The following MOXD1 variants were observed in gnomAD, a reference collection of about 807,000 sequenced individuals.
The protein encoded by MOXD1 is DBH-like monooxygenase protein 1.
In MOXD1, 62 loss-of-function variants were observed where a neutral mutation model predicts 66.6. The ratio of observed to expected loss-of-function variants is 0.93; its 90% CI spans 0.76 to 1.15. The LOEUF (loss-of-function observed/expected upper bound fraction) is 1.15, where lower values mean the gene tolerates loss of function less well. Ranked by LOEUF, MOXD1 falls within the 50% of genes most tolerant of loss-of-function variation. The probability of loss-of-function intolerance (pLI) is 0.00; values close to 1 mark genes in which losing one functional copy is unlikely to be tolerated. For synonymous variants in MOXD1, 303 were observed against 281.9 expected, an observed-to-expected ratio of 1.07 and a Z score of -0.75; for missense variants, 847 against 754.6, an observed-to-expected ratio of 1.12 and a Z score of -1.44.
intron 10 of MOXD1, among the ~76,000 whole-genome samples, chr6:132,304,192 A>G (rs963993144): frequency 4.6e-5 from 7 of 152,020 alleles, no homozygotes; most frequent in Non-Finnish European, 7.4e-5. Context: ...ACCCTTACAA[A>G]AGAGACTTGA....
intron 4 of MOXD1, among the ~76,000 whole-genome samples, chr6:132,370,656 G>A (rs1776245911): frequency 6.6e-6 from 1 of 152,062 alleles, no homozygotes; most frequent in Admixed American, 6.6e-5. Flanking sequence ...ATGACCTACT[G>A]TCCTTCCCTC....
At chr6:132,394,806 T>C (rs1776837668) in intron 1 of MOXD1, among the ~76,000 whole-genome samples, 1 of 152,132 alleles carries the variant, frequency 6.6e-6, no homozygotes, top group African/African-American at 2.4e-5. Context: ...GCAAAGCCTA[T>C]ATAACATCAT....
intron 4 of MOXD1, among the ~76,000 whole-genome samples, chr6:132,337,126 G>T (rs1775457445): frequency 6.6e-6 from 1 of 152,178 alleles, no homozygotes; most frequent in Non-Finnish European, 1.5e-5. Flanking sequence ...GAAACCAGTT[G>T]CATCTCTACC....
chr6:132,307,679 C>T lies in MOXD1; in HGVS notation c.1508+7956G>A, dbSNP rs555652982. 2.6e-5 allele frequency among the ~76,000 whole-genome samples: 4 copies of T among 152,270 alleles called. No individual in the cohort carries two copies. In the South Asian group the frequency reaches 8.3e-4, roughly 32 times the overall value. ...GTCATTAAACAAACAGTCTCTCAGA[C>T]CACAGTGCAGTCAAATTAGAACTCA... On this transcript the variant is annotated intron_variant, in intron 10 of 11. Transcript: ENST00000367963.
At chr6:132,334,776 T>C (rs924143696) in intron 4 of MOXD1, among the ~76,000 whole-genome samples, 1 of 152,196 alleles carries the variant, frequency 6.6e-6, no homozygotes, top group African/African-American at 2.4e-5. Flanking sequence ...TAGAATTTGA[T>C]GCAAAGGACA....
Position 132,315,748 on chromosome 6 carries a change from A to C in MOXD1, c.1395T>G (p.Cys465Trp). 6.2e-7 allele frequency: 1 copy of C among 1,613,620 alleles called. No homozygotes were observed. The highest frequency in any genetic ancestry group is 8.5e-7 in the Non-Finnish European group (1 of 1,179,678). Reference sequence around the variant, plus strand: ...TTGGGTAATAAAGAAGGTATGAGAGACACATTTCACTCCTGGTGCTTAGTC... The same window carrying C: ...TTGGGTAATAAAGAAGGTATGAGAGCCACATTTCACTCCTGGTGCTTAGTC... ...WGGLSTRSEM[C>W]LSYLLYYPRI... The change falls in exon 10 of 12, where the codon TGT becomes TGG. Residue 465 changes from cysteine to tryptophan, a missense_variant. By Grantham distance (215) the Cys-to-Trp change is radical. Coordinates refer to ENST00000367963, the MANE Select transcript of MOXD1 (RefSeq NM_015529.4).
chr6:132,368,424 C>T (rs1776188816), intron 4 of MOXD1, among the ~76,000 whole-genome samples: 1 of 151,962 alleles, frequency 6.6e-6, no homozygotes, highest in South Asian at 2.1e-4. Flanking sequence ...TCCATATTCA[C>T]CTGCAATGTG....
At chr6:132,311,729 T>A (rs1288288606) in intron 10 of MOXD1, among the ~76,000 whole-genome samples, 1 of 117,704 alleles carries the variant, frequency 8.5e-6, no homozygotes, top group African/African-American at 4.3e-5. Flanking sequence ...TGTAATCTTG[T>A]AACAGTATTT....
chr6:132,358,289 CA>C (rs999006402), intron 4 of MOXD1, among the ~76,000 whole-genome samples: 5 of 152,270 alleles, frequency 3.3e-5, no homozygotes, highest in Admixed American at 6.5e-5. Context: ...GTACTAATAA[CA>C]CCTATGTGTG....
At position 132,372,678 on chromosome 6, in the gene MOXD1, T is replaced by C. The variant is rs1465719276; in HGVS notation, c.593A>G (p.Asn198Ser). 17 of 1,613,786 alleles carry C rather than the reference T, an allele frequency of 1.1e-5. No individual in the cohort carries two copies. Among genetic ancestry groups the C allele is most frequent in the East Asian group, 6.7e-5 (3 of 44,876 alleles). ...DLVNQDVPIP[N>S]KDTTYWCQMF... ...TTGGCACCAATATGTTGTATCTTTGTTTGGGATGGGGACCTGTCTTAATAA... is the reference window on the plus strand; with the variant it reads ...TTGGCACCAATATGTTGTATCTTTGCTTGGGATGGGGACCTGTCTTAATAA... The change falls in exon 4 of 12, where the codon AAC (asparagine) becomes AGC (serine). Residue 198 changes from asparagine to serine, a missense_variant. By Grantham distance (46) the Asn-to-Ser change is conservative. Coordinates refer to ENST00000367963, the MANE Select transcript of MOXD1 (RefSeq NM_015529.4).
At chr6:132,400,884 G>A (rs1460563706) in intron 1 of MOXD1, among the ~76,000 whole-genome samples, 2 of 152,020 alleles carry the variant, frequency 1.3e-5, no homozygotes, top group African/African-American at 4.8e-5. Flanking sequence ...TGTGTAGGCG[G>A]GGGGGCGTCT....
intron 4 of MOXD1, among the ~76,000 whole-genome samples, chr6:132,354,388 T>G (rs1441553181): frequency 6.6e-6 from 1 of 152,250 alleles, no homozygotes; most frequent in African/African-American, 2.4e-5. Flanking sequence ...TGGATGTGGC[T>G]TCCTGTGAGA....
rs1008584700 is a variant in MOXD1 at position 132,366,052 on chromosome 6, C to G, written c.663+6556G>C. On this transcript the variant is annotated intron_variant, in intron 4 of 11. Transcript: ENST00000367963. ...TAGCATAACTTTTTCTCTAGAAGAT[C>G]AAGAATCATCTATTTTATCAATTGA... Among the ~76,000 whole-genome samples the G allele has an allele frequency of 2.6e-5, 4 of 152,052 alleles. No individual in the cohort carries two copies. In the South Asian group the frequency reaches 8.3e-4, roughly 31 times the overall value.
intron 10 of MOXD1, among the ~76,000 whole-genome samples, chr6:132,301,049 T>C (rs987092295): frequency 1.3e-5 from 2 of 152,146 alleles, no homozygotes; most frequent in Non-Finnish European, 2.9e-5. Context: ...TTAAACCAGG[T>C]AACCTTAAAG....
intron 4 of MOXD1, among the ~76,000 whole-genome samples, chr6:132,368,432 G>A (rs1269465210): frequency 1.3e-5 from 2 of 151,936 alleles, no homozygotes; most frequent in East Asian, 1.9e-4. Flanking sequence ...CACCTGCAAT[G>A]TGATATGCTG....
intron 10 of MOXD1, among the ~76,000 whole-genome samples, chr6:132,298,670 C>T (rs1301112158): frequency 6.6e-6 from 1 of 151,826 alleles, no homozygotes; most frequent in Admixed American, 6.6e-5. Flanking sequence ...AAAAATGCTC[C>T]ACATCACTAA....
intron 4 of MOXD1, among the ~76,000 whole-genome samples, chr6:132,335,262 C>T (rs1057312633): frequency 9.3e-5 from 14 of 150,998 alleles, no homozygotes; most frequent in Non-Finnish European, 1.0e-4. Context: ...AACAATAATG[C>T]TGGCTGAAAG....
rs565767036 is a variant in MOXD1 at position 132,372,369 on chromosome 6, G to T, written c.663+239C>A. The stretch of plus-strand genomic sequence containing the variant: ...AAATAATAATTAGCGGTGTTCATGT[G>T]CATACCAAAACTTGTACCTTTGACA... On this transcript the variant is annotated intron_variant, in intron 4 of 11. Transcript: ENST00000367963. Among the ~76,000 whole-genome samples, 9 of 152,140 alleles carry T rather than the reference G, an allele frequency of 5.9e-5. No individual in the cohort carries two copies. In the South Asian group the frequency reaches 1.9e-3, roughly 32 times the overall value.
At position 132,296,604 on chromosome 6, in the gene MOXD1, A is replaced by G. The variant is rs1473041030; in HGVS notation, c.*549T>C. ...AACAAGGGAACCAGAGTGGGCATCA[A>G]CAAAAAGCATTGAGGTAAGGGGCCC... On this transcript the variant is annotated 3_prime_UTR_variant, in exon 12 of 12. Coordinates refer to ENST00000367963, the MANE Select transcript of MOXD1 (RefSeq NM_015529.4). The G allele has an allele frequency of 6.6e-6, 1 of 152,328 alleles. No individual in the cohort carries two copies. Among genetic ancestry groups the G allele is most frequent in the Non-Finnish European group, 1.5e-5 (1 of 68,166 alleles). The allele number at this position is 152,328 out of a possible 1,614,324, so 9.4% of individuals were successfully genotyped here. A position where few individuals can be genotyped will look rare whatever the true frequency, so the allele number is the denominator to read the frequency against.
Sources: gnomAD v4.1 joint callset for allele counts (sites outside exome capture counted in the v4.1 genomes callset) on GRCh38, gnomAD v4.1.1 for gene constraint, MANE v1.5 for transcripts, NCBI Gene and HGNC (gene_info 2026-07-23, HGNC 2026-07-21) for gene names.